PIGF: variants seen among roughly 807,000 people sequenced by gnomAD.
PIGF encodes GPI ethanolamine phosphate transferase, stabilizing subunit.
Under a neutral mutation model 26.0 loss-of-function variants are expected in PIGF, and 23 were observed. That is an observed-to-expected ratio of 0.88 (90% CI 0.64 to 1.25). The LOEUF is 1.25. Ranked by LOEUF, PIGF falls within the 50% of genes most tolerant of loss-of-function variation. The pLI is 0.00. For synonymous variants in PIGF, 93 were observed against 92.6 expected, an observed-to-expected ratio of 1.00 and a Z score of -0.03; for missense variants, 278 against 249.9, an observed-to-expected ratio of 1.11 and a Z score of -0.76.
At chr2:46,587,312 T>A (rs987490616) in intron 5 of PIGF, among the ~76,000 whole-genome samples, 6 of 152,162 alleles carry the variant, frequency 3.9e-5, no homozygotes, top group African/African-American at 1.4e-4. Context: ...CATTTTGCAG[T>A]AATTCATGTA....
chr2:46,614,507 C>T (rs2104149172), intron 2 of PIGF: 1 of 156,054 alleles, frequency 6.4e-6, no homozygotes, highest in Admixed American at 6.2e-5. Context: ...ATTGTTTAGT[C>T]AAGGAAGGCC....
intron 5 of PIGF, among the ~76,000 whole-genome samples, chr2:46,587,277 A>G (rs1193482569): frequency 2.0e-5 from 3 of 152,266 alleles, no homozygotes; most frequent in African/African-American, 7.2e-5. Context: ...TCAAATCCAT[A>G]ATCTTAGTTT....
intron 3 of PIGF, among the ~76,000 whole-genome samples, chr2:46,612,687 G>C (rs561745885): frequency 1.8e-4 from 28 of 152,210 alleles, no homozygotes; most frequent in African/African-American, 6.7e-4. Flanking sequence ...TCTACAACTA[G>C]TGGTTCAATA....
chr2:46,612,425 A>G (rs752110784), intron 3 of PIGF, 81 bp from the exon 4 acceptor site: 8 of 433,602 alleles, frequency 1.8e-5, no homozygotes, highest in East Asian at 1.8e-4. Context: ...TATAAATAAA[A>G]TGTGAAATAT....
intron 4 of PIGF, among the ~76,000 whole-genome samples, chr2:46,610,261 T>G (rs528148118): frequency 6.6e-6 from 1 of 152,286 alleles, no homozygotes; most frequent in Non-Finnish European, 1.5e-5. Context: ...GCAGAACTAA[T>G]TGTAAAATCA....
At chr2:46,591,597 A>G (rs998402936) in intron 5 of PIGF, 10 of 950,634 alleles carry the variant, frequency 1.1e-5, no homozygotes, top group Non-Finnish European at 1.3e-5. Context: ...AGCAGTGTTT[A>G]TTATCACAAA....
intron 1 of PIGF, 32 bp from the exon 2 acceptor site, chr2:46,615,217 CA>C: frequency 4.7e-6 from 4 of 854,282 alleles, no homozygotes; most frequent in Non-Finnish European, 7.8e-6. Flanking sequence ...AGAGCATATG[CA>C]ATAACGACTT....
At chr2:46,587,695 A>G (rs1558699636) in intron 5 of PIGF, among the ~76,000 whole-genome samples, 1 of 152,172 alleles carries the variant, frequency 6.6e-6, no homozygotes, top group Non-Finnish European at 1.5e-5. Flanking sequence ...GTAGCACTGA[A>G]GTCCATAGTT....
chr2:46,591,872 G>C (rs1247781058), intron 5 of PIGF: 1 of 1,303,682 alleles, frequency 7.7e-7, no homozygotes, highest in Non-Finnish European at 1.0e-6. Context: ...TGATGTTTGT[G>C]AGCTTTCTTG....
Position 46,588,350 on chromosome 2 carries a change from G to T in PIGF, c.546+4125C>A. On this transcript the variant is annotated intron_variant, in intron 5 of 5. Transcript: ENST00000281382. This position sits in a 1 kb window ranked among gnomAD's most constrained non-coding sequence, Gnocchi z 4.1. ...ACAATTAACATATTCTCTAATATAT[G>T]AGAACTCAAATAAATCATGGAATTT... 1 of 845,416 alleles carries T rather than the reference G, an allele frequency of 1.2e-6. No homozygotes were observed. The highest frequency in any genetic ancestry group is 1.7e-5 in the African/African-American group (1 of 57,284). 52.4% of individuals were successfully genotyped at this position (845,416 alleles called of 1,614,324 possible). A position where few individuals can be genotyped will look rare whatever the true frequency, so the allele number is the denominator to read the frequency against.
At chr2:46,598,838 T>A (rs1184506158) in intron 4 of PIGF, among the ~76,000 whole-genome samples, 5 of 152,194 alleles carry the variant, frequency 3.3e-5, no homozygotes, top group African/African-American at 7.2e-5. Context: ...TACAGTTATA[T>A]CTCAATAACA....
chr2:46,584,469 T>C (rs976855981), intron 5 of PIGF, among the ~76,000 whole-genome samples: 10 of 152,186 alleles, frequency 6.6e-5, no homozygotes, highest in Non-Finnish European at 1.5e-4. Context: ...TTTTGTAATT[T>C]CAGTATGGCT....
At chr2:46,591,847 A>G (rs1669730437) in intron 5 of PIGF, 1 of 1,302,946 alleles carries the variant, frequency 7.7e-7, no homozygotes, top group East Asian at 5.5e-5. Context: ...TTATTGTGAT[A>G]CAAGACGAAA....
rs949063223 is a variant in PIGF, at chr2:46,589,533, A to C, written c.546+2942T>G. 1.3e-5 allele frequency among the ~76,000 whole-genome samples: 2 copies of C among 151,824 alleles called. No individual in the cohort carries two copies. The highest frequency in any genetic ancestry group is 4.8e-5 in the African/African-American group (2 of 41,374). ...GCATGTGTGTGTTTTTAAAGGTACA[A>C]TTGCTTAACCAGATATTCCTGTTTC... On this transcript the variant is annotated intron_variant, in intron 5 of 5. Transcript: ENST00000281382. This position sits in a 1 kb window ranked among gnomAD's most constrained non-coding sequence, Gnocchi z 4.7.
chr2:46,592,057 A>G, intron 5 of PIGF: 1 of 1,014,672 alleles, frequency 9.9e-7, no homozygotes, highest in South Asian at 1.4e-5. Context: ...TAGTTTTTAA[A>G]AATTCCTATA....
chr2:46,586,631 A>T (rs900471789), intron 5 of PIGF, among the ~76,000 whole-genome samples: 3 of 152,138 alleles, frequency 2.0e-5, no homozygotes, highest in Non-Finnish European at 2.9e-5. Context: ...CTACTTTTCA[A>T]TATGTTTGTT....
chr2:46,612,159 T>C (rs1670440706), intron 4 of PIGF, 69 bp downstream of exon 4: 3 of 504,672 alleles, frequency 5.9e-6, no homozygotes, highest in Non-Finnish European at 9.9e-6. Context: ...CAAACTGCCA[T>C]GAATAGAAAA....
intron 4 of PIGF, among the ~76,000 whole-genome samples, chr2:46,610,600 G>C (rs2104135006): frequency 6.8e-6 from 1 of 147,348 alleles, no homozygotes; most frequent in East Asian, 2.0e-4. Flanking sequence ...TGCGATCTCG[G>C]CTCACTGCAA....
chr2:46,599,078 T>C (rs1192198310), intron 4 of PIGF, among the ~76,000 whole-genome samples: 1 of 152,168 alleles, frequency 6.6e-6, no homozygotes. Flanking sequence ...GGAAAGGGGC[T>C]AGGTGTAAGG....
Sources: allele counts gnomAD v4.1 joint callset (sites outside exome capture counted in the v4.1 genomes callset), GRCh38; gene constraint gnomAD v4.1.1; non-coding constraint Gnocchi (gnomAD v3.1); transcripts MANE v1.5; gene names NCBI Gene and HGNC (gene_info 2026-07-23, HGNC 2026-07-21).